The following CCDC85A variants were observed in gnomAD, a reference collection of about 807,000 sequenced individuals.
The protein encoded by CCDC85A is coiled-coil domain-containing protein 85A.
In CCDC85A, 38 loss-of-function variants were observed where a neutral mutation model predicts 50.2. The ratio of observed to expected loss-of-function variants is 0.76; its 90% CI spans 0.58 to 0.99. CCDC85A has a LOEUF of 0.99. Ranked by LOEUF, CCDC85A falls within the 50% of genes least tolerant of loss-of-function variation. CCDC85A has a pLI of 0.00. For missense variants in CCDC85A, 820 were observed against 742.0 expected (o/e 1.11, Z -1.22); for synonymous variants, 366 against 301.4 (o/e 1.21, Z -2.22).
chr2:56,344,249 A>C (rs779701789), intron 3 of CCDC85A, among the ~76,000 whole-genome samples: 5 of 152,234 alleles, frequency 3.3e-5, no homozygotes, highest in Non-Finnish European at 7.3e-5. Flanking sequence ...AGTTATTATT[A>C]GTAAAGTACT....
intron 2 of CCDC85A, among the ~76,000 whole-genome samples, chr2:56,316,748 C>T (rs1040189659): frequency 6.6e-6 from 1 of 152,078 alleles, no homozygotes; most frequent in Non-Finnish European, 1.5e-5. Flanking sequence ...TAGTTGACTG[C>T]CCATAAATGT....
chr2:56,210,139 G>A (rs375100140), intron 2 of CCDC85A, among the ~76,000 whole-genome samples: 1 of 152,066 alleles, frequency 6.6e-6, no homozygotes, highest in African/African-American at 2.4e-5. Flanking sequence ...CTGTATGCTC[G>A]TTGGAAGTAG....
At chr2:56,284,201 T>G (rs1311546745) in intron 2 of CCDC85A, among the ~76,000 whole-genome samples, 1 of 152,218 alleles carries the variant, frequency 6.6e-6, no homozygotes, top group Non-Finnish European at 1.5e-5. Context: ...TTATTTCTAT[T>G]GTTTTCCCAT....
Position 56,193,186 on chromosome 2 carries a change from C to A in CCDC85A, c.986C>A (p.Ala329Asp). The change falls in exon 2 of 6, where the codon GCC (alanine) becomes GAC (aspartate). Residue 329 changes from alanine (A) to aspartate (D), a missense_variant. Transcript: ENST00000407595. Reference sequence around the variant, plus strand: ...CGGTCAGGGAGCAGCCCTGAACACGCCAGGCACAGTGGAGGGAGCCCGGAG... The same window carrying A: ...CGGTCAGGGAGCAGCCCTGAACACGACAGGCACAGTGGAGGGAGCCCGGAG... The part of the protein sequence containing the change: ...KHRSGSSPEH[A>D]RHSGGSPEHL... 1 of 1,612,762 alleles carries A rather than the reference C, an allele frequency of 6.2e-7. No homozygotes were observed. Among genetic ancestry groups the A allele is most frequent in the Non-Finnish European group, 8.5e-7 (1 of 1,179,366 alleles).
intron 3 of CCDC85A, among the ~76,000 whole-genome samples, chr2:56,360,118 C>G (rs1255369695): frequency 6.6e-6 from 1 of 152,192 alleles, no homozygotes; most frequent in Non-Finnish European, 1.5e-5. Context: ...GCTATAAATA[C>G]ATGTATTTAC....
chr2:56,225,411 A>AG (rs1668501639), intron 2 of CCDC85A, among the ~76,000 whole-genome samples: 2 of 152,218 alleles, frequency 1.3e-5, no homozygotes, highest in African/African-American at 4.8e-5. Flanking sequence ...GTGCAATAGA[A>AG]GGAGAGTGCG....
At chr2:56,383,560 C>G in intron 5 of CCDC85A, 1 of 983,570 alleles carries the variant, frequency 1.0e-6, no homozygotes, top group Non-Finnish European at 1.2e-6. Flanking sequence ...GTATCTCTTT[C>G]AGTGATTCTT....
chr2:56,278,825 G>T (rs778969483), intron 2 of CCDC85A, among the ~76,000 whole-genome samples: 1 of 152,120 alleles, frequency 6.6e-6, no homozygotes, highest in Non-Finnish European at 1.5e-5. Flanking sequence ...AGCCCACCTC[G>T]GCCTTCCAAA....
intron 2 of CCDC85A, among the ~76,000 whole-genome samples, chr2:56,272,507 C>G (rs939947754): frequency 6.6e-6 from 1 of 152,146 alleles, no homozygotes; most frequent in African/African-American, 2.4e-5. Flanking sequence ...GATATTCTCC[C>G]CATCACCTCC....
At chr2:56,323,164 G>A (rs1207993929) in intron 2 of CCDC85A, among the ~76,000 whole-genome samples, 1 of 152,056 alleles carries the variant, frequency 6.6e-6, no homozygotes, top group African/African-American at 2.4e-5. Flanking sequence ...GAAGCGGGGA[G>A]GGATAGCATT....
intron 2 of CCDC85A, among the ~76,000 whole-genome samples, chr2:56,331,804 A>G (rs1558645316): frequency 1.3e-5 from 2 of 152,196 alleles, no homozygotes; most frequent in Non-Finnish European, 2.9e-5. Context: ...CTTCCTGGAA[A>G]ATGATTCAGT....
At chr2:56,221,064 C>A (rs899474375) in intron 2 of CCDC85A, among the ~76,000 whole-genome samples, 1 of 151,056 alleles carries the variant, frequency 6.6e-6, no homozygotes, top group African/African-American at 2.5e-5. Context: ...GTTGAAGGTC[C>A]TAATTTTCTT....
intron 1 of CCDC85A, among the ~76,000 whole-genome samples, chr2:56,191,553 G>T (rs1676295961): frequency 6.6e-6 from 1 of 152,194 alleles, no homozygotes; most frequent in African/African-American, 2.4e-5. Context: ...GCTAAATTTT[G>T]GAAGTAGAGC....
At chr2:56,260,511 T>C (rs1298003085) in intron 2 of CCDC85A, among the ~76,000 whole-genome samples, 1 of 152,246 alleles carries the variant, frequency 6.6e-6, no homozygotes, top group Non-Finnish European at 1.5e-5. Flanking sequence ...AATCTTTTTT[T>C]AGCTGCTCTA....
intron 3 of CCDC85A, among the ~76,000 whole-genome samples, chr2:56,344,313 G>A (rs973894995): frequency 6.6e-6 from 1 of 152,100 alleles, no homozygotes; most frequent in Non-Finnish European, 1.5e-5. Context: ...TGTGACCATT[G>A]GTCTGATCAT....
intron 2 of CCDC85A, among the ~76,000 whole-genome samples, chr2:56,309,609 C>G (rs1345766424): frequency 6.6e-6 from 1 of 152,094 alleles, no homozygotes; most frequent in Non-Finnish European, 1.5e-5. Flanking sequence ...GATAAGTAAA[C>G]TGGGGAAGAG....
At chr2:56,357,655 C>CGTTT (rs71393522) in intron 3 of CCDC85A, among the ~76,000 whole-genome samples, 5 of 114,640 alleles carry the variant, frequency 4.4e-5, no homozygotes, top group Non-Finnish European at 6.8e-5. Flanking sequence ...TGTCCATTTC[C>CGTTT]TTTTTTTTTT....
chr2:56,285,045 C>T (rs993899786), intron 2 of CCDC85A, among the ~76,000 whole-genome samples: 27 of 151,922 alleles, frequency 1.8e-4, no homozygotes, highest in Middle Eastern at 3.4e-3. Flanking sequence ...GTGTTTTCAT[C>T]CAGTCTGGCA....
At chr2:56,360,707 G>A (rs1675481053) in intron 3 of CCDC85A, among the ~76,000 whole-genome samples, 1 of 152,126 alleles carries the variant, frequency 6.6e-6, no homozygotes, top group Admixed American at 6.5e-5. Flanking sequence ...TAAGCAAGAA[G>A]CTTTAGTTTG....
Sources: allele counts gnomAD v4.1 joint callset (sites outside exome capture counted in the v4.1 genomes callset), GRCh38; gene constraint gnomAD v4.1.1; transcripts MANE v1.5; gene names NCBI Gene and HGNC (gene_info 2026-07-23, HGNC 2026-07-21).